The following MAP3K4 variants were observed in gnomAD, a reference collection of about 807,000 sequenced individuals.
The protein encoded by MAP3K4 is MAP three kinase 1.
A neutral mutation model predicts 185.6 loss-of-function variants in MAP3K4; 67 were observed. That is an observed-to-expected ratio of 0.36 (90% CI 0.30 to 0.44). The LOEUF is 0.44. MAP3K4 is among the 20% of genes least tolerant of loss of function. The pLI is 1.00. For synonymous variants in MAP3K4, 702 were observed against 710.4 expected, an observed-to-expected ratio of 0.99 and a Z score of 0.19; for missense variants, 1,551 against 1,995.1, an observed-to-expected ratio of 0.78 and a Z score of 4.24.
chr6:161,038,689 G>A (rs918202410), intron 2 of MAP3K4, among the ~76,000 whole-genome samples: 1 of 152,236 alleles, frequency 6.6e-6, no homozygotes, highest in Non-Finnish European at 1.5e-5. Context: ...AGGTGTGTAG[G>A]CAGGGTACAG....
intron 19 of MAP3K4, among the ~76,000 whole-genome samples, chr6:161,104,840 A>C (rs1777996147): frequency 6.6e-6 from 1 of 151,958 alleles, no homozygotes; most frequent in Non-Finnish European, 1.5e-5. Context: ...AGTGTTGTAT[A>C]TTGAGGTAAA....
In MAP3K4 at chr6:161,064,291, C is replaced by T. The variant is rs189223393; in HGVS notation, c.1708-6317C>T. On this transcript the variant is annotated intron_variant, in intron 3 of 26. Transcript: ENST00000392142. This position sits in a 1 kb window ranked among gnomAD's most constrained non-coding sequence, Gnocchi z 4.3. ...GTGTTTAATACATACTTTGATTTCCCATAATAACCAGTAAGAATTTCTAAA... is the reference window on the plus strand; with the variant it reads ...GTGTTTAATACATACTTTGATTTCCTATAATAACCAGTAAGAATTTCTAAA... 7.9e-5 allele frequency among the ~76,000 whole-genome samples: 12 copies of T among 152,168 alleles called. No individual in the cohort carries two copies. Among genetic ancestry groups the T allele is most frequent in the Admixed American group, 7.8e-4 (12 of 15,296 alleles).
intron 1 of MAP3K4, among the ~76,000 whole-genome samples, chr6:161,032,151 G>C (rs890390172): frequency 2.3e-4 from 35 of 152,292 alleles, no homozygotes; most frequent in African/African-American, 8.4e-4. Context: ...TTTCCTTTAA[G>C]TATATTAAGT....
chr6:161,099,968 C>A (rs1202259260), intron 17 of MAP3K4, among the ~76,000 whole-genome samples: 2 of 152,140 alleles, frequency 1.3e-5, no homozygotes, highest in African/African-American at 4.8e-5. Context: ...CTTAGACAAT[C>A]GTTGATGTTT....
In MAP3K4 at chr6:161,109,805, G is replaced by T; in HGVS notation, c.4287G>T (p.Glu1429Asp). 1 of 1,614,144 alleles carries T rather than the reference G, an allele frequency of 6.2e-7. No individual in the cohort carries two copies. Among genetic ancestry groups the T allele is most frequent in the Non-Finnish European group, 8.5e-7 (1 of 1,180,014 alleles). Reference protein sequence around the residue: ...MEYCDEGTLEEVSRLGLQEHV... With the variant: ...MEYCDEGTLEDVSRLGLQEHV... ...ACTGCGATGAGGGGACTTTAGAAGA[G>T]GTGTCAAGGCTGGGACTTCAGGAAC... Residue 1429 changes from glutamate to aspartate, a missense_variant, in exon 23 of 27, where the codon GAG becomes GAT. Transcript: ENST00000392142. The surrounding 1 kb of genome is among the most constrained non-coding windows in gnomAD (Gnocchi z 5.7).
At chr6:161,038,013 C>CCATCCTTCCTTT (rs1783259739) in intron 2 of MAP3K4, among the ~76,000 whole-genome samples, 1 of 151,978 alleles carries the variant, frequency 6.6e-6, no homozygotes, top group African/African-American at 2.4e-5. Context: ...TTCCTTCCTT[C>CCATCCTTCCTTT]CATCCTTCCT....
intron 1 of MAP3K4, among the ~76,000 whole-genome samples, chr6:161,019,565 C>A (rs1583117544): frequency 6.6e-6 from 1 of 152,162 alleles, no homozygotes; most frequent in Middle Eastern, 3.2e-3. Context: ...TGCTACCACA[C>A]CCAGCTAATT....
intron 3 of MAP3K4, among the ~76,000 whole-genome samples, chr6:161,057,053 G>A (rs149368792): frequency 2.6e-5 from 4 of 152,270 alleles, no homozygotes; most frequent in African/African-American, 9.6e-5. Flanking sequence ...ATAATTGTCT[G>A]ACTTTGTTGC....
Position 161,064,159 on chromosome 6 carries a change from C to T in MAP3K4, c.1708-6449C>T, listed in dbSNP as rs1417238340. ...CCAGTATTTGACCATTTTCAATGAA[C>T]GAAAGTGGGAATTTTTATATAGTTT... is the stretch of plus-strand genomic sequence containing the variant. On this transcript the variant is annotated intron_variant, in intron 3 of 26. Transcript: ENST00000392142. This position sits in a 1 kb window ranked among gnomAD's most constrained non-coding sequence, Gnocchi z 4.3. 6.6e-6 allele frequency among the ~76,000 whole-genome samples: 1 copy of T among 152,100 alleles called. No homozygotes were observed. Among genetic ancestry groups the T allele is most frequent in the African/African-American group, 2.4e-5 (1 of 41,414 alleles).
Position 161,101,777 on chromosome 6 carries a change from TC to T in MAP3K4, c.3675-113del. On this transcript the variant is annotated intron_variant, in intron 17 of 26. Transcript: ENST00000392142. This position sits in a 1 kb window ranked among gnomAD's most constrained non-coding sequence, Gnocchi z 5.1. ...AATACATTGCTGGAGGCAGAGTTGT[TC>T]CTGGCAGGCAGAGTTGCCCCCAGTT... The T allele has an allele frequency of 1.2e-6, 1 of 815,892 alleles. No homozygotes were observed. Among genetic ancestry groups the T allele is most frequent in the Non-Finnish European group, 2.0e-6 (1 of 505,874 alleles). 50.5% of individuals were successfully genotyped at this position (815,892 alleles called of 1,614,324 possible).
intron 1 of MAP3K4, among the ~76,000 whole-genome samples, chr6:161,009,062 A>G (rs1781728173): frequency 1.4e-5 from 2 of 147,908 alleles, no homozygotes; most frequent in Admixed American, 1.4e-4. Context: ...TCGGCTTACC[A>G]CAACCTCCGC....
At position 161,112,885 on chromosome 6, in the gene MAP3K4, C is replaced by A. The variant is rs1176796085; in HGVS notation, c.4626+111C>A. On this transcript the variant is annotated intron_variant, in intron 25 of 26. Coordinates refer to ENST00000392142, the MANE Select transcript of MAP3K4 (RefSeq NM_005922.4). This position sits in a 1 kb window ranked among gnomAD's most constrained non-coding sequence, Gnocchi z 5.1. ...TACAAACACTGTGGACACTAAATAG[C>A]GAACGATATTAGATACAAAAATCTG... The A allele has an allele frequency of 1.0e-5, 6 of 589,286 alleles. No homozygotes were observed. The highest frequency in any genetic ancestry group is 1.6e-5 in the Non-Finnish European group (6 of 370,250). 36.5% of individuals were successfully genotyped at this position (589,286 alleles called of 1,614,324 possible).
In MAP3K4 at chr6:161,099,576, G is replaced by A. The variant is rs186769683; in HGVS notation, c.3674+1149G>A. Among the ~76,000 whole-genome samples, 47 of 152,256 alleles carry A rather than the reference G, an allele frequency of 3.1e-4. No individual in the cohort carries two copies. In the East Asian group the frequency reaches 3.5e-3, roughly 11 times the overall value. On this transcript the variant is annotated intron_variant, in intron 17 of 26. Coordinates refer to ENST00000392142, the MANE Select transcript of MAP3K4 (RefSeq NM_005922.4). ...TTCATATATGCTTTTATATCCCTGT[G>A]AGGGCTGCCAAAACTGTCTTCTTTA... is the stretch of plus-strand genomic sequence containing the variant.
rs747423258 is a variant in MAP3K4, at chr6:161,109,433, AG to A, written c.4237-319del. Reference sequence around the variant, plus strand: ...TTTCAGTACTTAATAATGTATTTGTAGGGACAGCCCTGTTGGTCCCTGTCTG... The same window carrying A: ...TTTCAGTACTTAATAATGTATTTGTAGGACAGCCCTGTTGGTCCCTGTCTG... On this transcript the variant is annotated intron_variant, in intron 22 of 26. Coordinates refer to ENST00000392142, the MANE Select transcript of MAP3K4 (RefSeq NM_005922.4). The surrounding 1 kb of genome is among the most constrained non-coding windows in gnomAD (Gnocchi z 5.7). Among the ~76,000 whole-genome samples, 1 of 152,210 alleles carries A rather than the reference AG, an allele frequency of 6.6e-6. No individual in the cohort carries two copies. The highest frequency in any genetic ancestry group is 1.5e-5 in the Non-Finnish European group (1 of 68,044).
intron 17 of MAP3K4, among the ~76,000 whole-genome samples, chr6:161,099,377 A>G (rs986158906): frequency 6.6e-6 from 1 of 152,222 alleles, no homozygotes; most frequent in Admixed American, 6.5e-5. Context: ...ATTTGCAGTC[A>G]TTTCACTCAT....
intron 1 of MAP3K4, 181 bp downstream of exon 1, chr6:160,992,264 T>C (rs1327410464): frequency 1.6e-5 from 13 of 792,792 alleles, no homozygotes; most frequent in Non-Finnish European, 2.2e-5. Flanking sequence ...TCTGAGTCTG[T>C]CCGGCGACTC....
Position 161,086,461 on chromosome 6 carries a change from G to C in MAP3K4, c.2455G>C (p.Ala819Pro). The stretch of plus-strand genomic sequence containing the variant: ...AAGGGCTTCCAAAGCACTTGGATTT[G>C]CTAAAATGTTGAGAAAGGTGAGCTT... ...RERASKALGFAKMLRKDLEIA... is the reference protein window; with the variant it reads ...RERASKALGFPKMLRKDLEIA... Residue 819 changes from alanine to proline, a missense_variant, in exon 8 of 27, where the codon GCT becomes CCT. Around this residue, in one of 16 missense-constraint regions of MAP3K4, gnomAD observed 6 missense variants for 24.9 expected, o/e 0.24. Transcript: ENST00000392142. This position sits in a 1 kb window ranked among gnomAD's most constrained non-coding sequence, Gnocchi z 4.8. 1 of 1,613,980 alleles carries C rather than the reference G, an allele frequency of 6.2e-7. No individual in the cohort carries two copies.
chr6:161,100,493 G>C lies in MAP3K4; in HGVS notation c.3675-1399G>C, dbSNP rs924980814. ...GTTTGTAAAAACACTTTGCAGTGGT[G>C]CTCTTGCTGAGGCTTGCTCCTGCTG... is the stretch of plus-strand genomic sequence containing the variant. On this transcript the variant is annotated intron_variant, in intron 17 of 26. Transcript: ENST00000392142. The surrounding 1 kb of genome is among the most constrained non-coding windows in gnomAD (Gnocchi z 5.8). 6.6e-6 allele frequency among the ~76,000 whole-genome samples: 1 copy of C among 152,210 alleles called. No individual in the cohort carries two copies. The highest frequency in any genetic ancestry group is 2.4e-5 in the African/African-American group (1 of 41,454).
rs747998364 is a variant in MAP3K4, at chr6:161,087,876, C to T, written c.2745C>T (p.Asp915=). 3 of 1,614,154 alleles carry T rather than the reference C, an allele frequency of 1.9e-6. No individual in the cohort carries two copies. Among genetic ancestry groups the T allele is most frequent in the Non-Finnish European group, 2.5e-6 (3 of 1,180,018 alleles). ...GTGATCGAGCCCGTGATTCAGAGGA[C>T]AGCTGGGGCACCTGGGAGGCACAGC... The part of the protein sequence containing the change: ...KHGDRARDSE[D]SWGTWEAQPV... Residue 915 remains aspartate, a synonymous_variant, in exon 10 of 27, where the codon GAC becomes GAT. Transcript: ENST00000392142. The surrounding 1 kb of genome is among the most constrained non-coding windows in gnomAD (Gnocchi z 4.9).
Sources: allele counts gnomAD v4.1 joint callset (sites outside exome capture counted in the v4.1 genomes callset), GRCh38; gene constraint gnomAD v4.1.1; regional missense constraint gnomAD v4.1.1; non-coding constraint Gnocchi (gnomAD v3.1); transcripts MANE v1.5; gene names NCBI Gene and HGNC (gene_info 2026-07-23, HGNC 2026-07-21).